Variants in ACOXL observed in about 807,000 individuals in gnomAD.
ACOXL encodes acyl-CoA oxidase like.
A neutral mutation model predicts 71.9 loss-of-function variants in ACOXL; 70 were observed. The observed-to-expected ratio is 0.97, with a 90% CI of 0.80 to 1.19. The LOEUF is 1.19. Among genes scored for constraint, ACOXL ranks in the 50% most tolerant of loss-of-function variants. ACOXL has a pLI of 0.00. For missense variants in ACOXL, 703 were observed against 736.3 expected (o/e 0.95, Z 0.52); for synonymous variants, 253 against 281.6 (o/e 0.90, Z 1.02).
chr2:111,081,959 T>C (rs1292087149), intron 16 of ACOXL, among the ~76,000 whole-genome samples: 3 of 152,180 alleles, frequency 2.0e-5, no homozygotes, highest in Admixed American at 2.0e-4. Flanking sequence ...TTAGGAAAAC[T>C]GGCTAGCCCA....
intron 11 of ACOXL, among the ~76,000 whole-genome samples, chr2:110,927,729 A>G (rs1246973238): frequency 6.6e-6 from 1 of 152,224 alleles, no homozygotes; most frequent in Non-Finnish European, 1.5e-5. Flanking sequence ...GCATCATCAC[A>G]CCTAGTAGCG....
At chr2:110,944,489 T>A (rs2061020672) in intron 12 of ACOXL, among the ~76,000 whole-genome samples, 1 of 152,176 alleles carries the variant, frequency 6.6e-6, no homozygotes, top group Non-Finnish European at 1.5e-5. Flanking sequence ...GTAGTTTTTT[T>A]ATCCTCACCT....
At chr2:110,899,634 T>C (rs560252147) in intron 10 of ACOXL, among the ~76,000 whole-genome samples, 2 of 152,316 alleles carry the variant, frequency 1.3e-5, no homozygotes, top group East Asian at 3.9e-4. Context: ...ATGAAATTAA[T>C]ACAACAGTGA....
intron 3 of ACOXL, among the ~76,000 whole-genome samples, chr2:110,789,328 T>C (rs1684383096): frequency 6.6e-6 from 1 of 152,234 alleles, no homozygotes; most frequent in Non-Finnish European, 1.5e-5. Context: ...ATGCTTCCTT[T>C]TCTGCTTCTC....
intron 8 of ACOXL, among the ~76,000 whole-genome samples, chr2:110,802,603 A>G (rs1559282550): frequency 6.6e-6 from 1 of 152,140 alleles, no homozygotes; most frequent in Non-Finnish European, 1.5e-5. Flanking sequence ...GGTATGACAA[A>G]CCCCCATGAC....
At chr2:111,039,628 A>G (rs898758719) in intron 15 of ACOXL, among the ~76,000 whole-genome samples, 3 of 152,202 alleles carry the variant, frequency 2.0e-5, no homozygotes, top group Admixed American at 6.5e-5. Flanking sequence ...ATATAACATT[A>G]GTGTAAGTAG....
At chr2:110,870,896 A>G (rs1695194993) in intron 10 of ACOXL, among the ~76,000 whole-genome samples, 1 of 152,090 alleles carries the variant, frequency 6.6e-6, no homozygotes, top group African/African-American at 2.4e-5. Flanking sequence ...TTTGGTTTGA[A>G]TGAGGTCAAA....
intron 3 of ACOXL, among the ~76,000 whole-genome samples, chr2:110,792,914 G>T (rs898097302): frequency 6.6e-6 from 1 of 152,206 alleles, no homozygotes; most frequent in Non-Finnish European, 1.5e-5. Context: ...GGTAGCTTGG[G>T]TTTCAGCCTC....
At chr2:111,104,326 G>C (rs2150060534) in intron 17 of ACOXL, among the ~76,000 whole-genome samples, 1 of 152,224 alleles carries the variant, frequency 6.6e-6, no homozygotes, top group South Asian at 2.1e-4. Context: ...TGTGAATATA[G>C]GTTTTAATTT....
chr2:110,933,406 A>G lies in ACOXL; in HGVS notation c.906-83A>G, dbSNP rs921872059. On this transcript the variant is annotated intron_variant, in intron 11 of 17. Coordinates refer to ENST00000439055, the MANE Select transcript of ACOXL (RefSeq NM_001142807.4). The stretch of plus-strand genomic sequence containing the variant: ...TCATATTCTTTCCTCAAATAGCGTT[A>G]TAGCACTTCACAGATAATGCTCCTT... 19 of 1,483,670 alleles carry G rather than the reference A, an allele frequency of 1.3e-5. No individual in the cohort carries two copies. The East Asian group carries it at 4.4e-4, about 34-fold the overall frequency. 91.9% of individuals were successfully genotyped at this position (1,483,670 alleles called of 1,614,324 possible). A position where few individuals can be genotyped will look rare whatever the true frequency, so the allele number is the denominator to read the frequency against.
chr2:110,762,027 T>C (rs1680459664), intron 1 of ACOXL, among the ~76,000 whole-genome samples: 1 of 152,238 alleles, frequency 6.6e-6, no homozygotes, highest in African/African-American at 2.4e-5. Context: ...CTTTGTTGTT[T>C]GGTGTGTACA....
At chr2:111,063,337 C>T (rs1244719288) in intron 16 of ACOXL, among the ~76,000 whole-genome samples, 1 of 151,988 alleles carries the variant, frequency 6.6e-6, no homozygotes, top group Non-Finnish European at 1.5e-5. Context: ...GAACTACAGA[C>T]CAATATACCT....
chr2:111,032,744 C>T (rs1215428518), intron 15 of ACOXL, among the ~76,000 whole-genome samples: 1 of 152,134 alleles, frequency 6.6e-6, no homozygotes, highest in Non-Finnish European at 1.5e-5. Flanking sequence ...TGGCCAGGAA[C>T]CTAGGAGTGT....
chr2:110,907,139 G>A (rs934345565), intron 10 of ACOXL, among the ~76,000 whole-genome samples: 10 of 152,212 alleles, frequency 6.6e-5, no homozygotes, highest in Non-Finnish European at 1.2e-4. Context: ...GCACTGACAG[G>A]TCTGGTGAGG....
intron 11 of ACOXL, among the ~76,000 whole-genome samples, chr2:110,924,835 A>C (rs2060213978): frequency 7.0e-6 from 1 of 143,162 alleles, no homozygotes; most frequent in East Asian, 2.1e-4. Flanking sequence ...AAGATTTTCA[A>C]TTCACCTAGG....
intron 10 of ACOXL, among the ~76,000 whole-genome samples, chr2:110,891,036 T>G (rs1482053685): frequency 6.7e-6 from 1 of 149,576 alleles, no homozygotes; most frequent in African/African-American, 2.4e-5. Flanking sequence ...ACTTAGCAGC[T>G]ATTATAAATG....
At chr2:110,836,786 A>G (rs1690519816) in intron 9 of ACOXL, among the ~76,000 whole-genome samples, 1 of 152,230 alleles carries the variant, frequency 6.6e-6, no homozygotes. Context: ...TGGGAAAGGG[A>G]GGGAAGCCTT....
intron 3 of ACOXL, among the ~76,000 whole-genome samples, chr2:110,791,264 CT>C (rs2105238619): frequency 6.6e-6 from 1 of 152,360 alleles, no homozygotes; most frequent in East Asian, 1.9e-4. Context: ...TACAGGTTCA[CT>C]TCCACAGCCC....
intron 11 of ACOXL, among the ~76,000 whole-genome samples, chr2:110,926,589 A>G (rs909240027): frequency 1.3e-5 from 2 of 152,206 alleles, no homozygotes; most frequent in African/African-American, 4.8e-5. Context: ...CTAGAGGGTT[A>G]TTAGAAGAAT....
Sources: gnomAD v4.1 joint callset for allele counts (sites outside exome capture counted in the v4.1 genomes callset) on GRCh38, gnomAD v4.1.1 for gene constraint, MANE v1.5 for transcripts, NCBI Gene and HGNC (gene_info 2026-07-23, HGNC 2026-07-21) for gene names.